The following SHANK2 variants were observed in gnomAD, a reference collection of about 807,000 sequenced individuals.
The protein encoded by SHANK2 is SH3 and multiple ankyrin repeat domains protein 2.
SHANK2 carries 43 observed loss-of-function variants against 133.7 expected under a neutral mutation model. The ratio of observed to expected loss-of-function variants is 0.32; its 90% CI spans 0.25 to 0.41. The LOEUF (loss-of-function observed/expected upper bound fraction) is 0.41, where lower values mean the gene tolerates loss of function less well. SHANK2 is among the 10% of genes least tolerant of loss of function. The probability of loss-of-function intolerance (pLI) is 1.00; values close to 1 mark genes in which losing one functional copy is unlikely to be tolerated. For synonymous variants in SHANK2, 1,017 were observed against 952.8 expected, an observed-to-expected ratio of 1.07 and a Z score of -1.24; for missense variants, 1,994 against 2,235.8, an observed-to-expected ratio of 0.89 and a Z score of 2.18.
At chr11:70,499,977 C>G (rs145724365) in intron 21 of SHANK2, among the ~76,000 whole-genome samples, 4,302 of 152,254 alleles carry the variant, frequency 0.028, 96 homozygotes, top group South Asian at 0.082. Context: ...AGCAATACCC[C>G]CCGATGTGCT....
chr11:70,743,253 C>G lies in SHANK2; in HGVS notation c.1778-44490G>C, dbSNP rs557607264. The stretch of plus-strand genomic sequence containing the variant: ...CTCGAGCTGCACGTCTGCGTGCCCC[C>G]CCCAGTTCATATATTGGGGCCGAAA... On this transcript the variant is annotated intron_variant, in intron 14 of 25. Coordinates refer to ENST00000601538, the MANE Select transcript of SHANK2 (RefSeq NM_012309.5). Among the ~76,000 whole-genome samples, 7 of 152,234 alleles carry G rather than the reference C, an allele frequency of 4.6e-5. No homozygotes were observed. In the East Asian group the frequency reaches 9.6e-4, roughly 21 times the overall value.
At chr11:70,885,202 C>CGCGCGGGGAACT (rs1434534554) in intron 11 of SHANK2, among the ~76,000 whole-genome samples, 1 of 152,080 alleles carries the variant, frequency 6.6e-6, no homozygotes, top group Non-Finnish European at 1.5e-5. Context: ...AGAGGGGAAC[C>CGCGCGGGGAACT]GCGCAGGGAC....
intron 17 of SHANK2, among the ~76,000 whole-genome samples, chr11:70,636,877 C>T (rs1051739931): frequency 6.6e-6 from 1 of 151,934 alleles, no homozygotes; most frequent in Non-Finnish European, 1.5e-5. Context: ...CATGTGTGTG[C>T]ACATGGTAGC....
intron 10 of SHANK2, among the ~76,000 whole-genome samples, chr11:70,955,437 G>A (rs1183566752): frequency 6.6e-6 from 1 of 151,732 alleles, no homozygotes; most frequent in Non-Finnish European, 1.5e-5. Flanking sequence ...GTGTGTGTGT[G>A]TGTGTGTGTG....
intron 1 of SHANK2, among the ~76,000 whole-genome samples, chr11:71,241,224 G>A (rs1954886061): frequency 1.3e-5 from 2 of 152,204 alleles, no homozygotes; most frequent in Non-Finnish European, 2.9e-5. Context: ...GAAAGAACAA[G>A]ATCCTGAAAA....
Position 70,646,963 on chromosome 11 carries a change from C to T in SHANK2, c.2061+12865G>A, listed in dbSNP as rs940937734. On this transcript the variant is annotated intron_variant, in intron 17 of 25. Transcript: ENST00000601538. Reference sequence around the variant, plus strand: ...GCAACCTCTGCTTCCTGGGTTCAAGCGGTTCTCCCTGCCTCAGCCTCCCGA... The same window carrying T: ...GCAACCTCTGCTTCCTGGGTTCAAGTGGTTCTCCCTGCCTCAGCCTCCCGA... Among the ~76,000 whole-genome samples, 4 of 151,988 alleles carry T rather than the reference C, an allele frequency of 2.6e-5. No homozygotes were observed. The South Asian group carries it at 6.3e-4, about 24-fold the overall frequency.
chr11:71,190,197 G>A (rs1953764234), intron 2 of SHANK2, among the ~76,000 whole-genome samples: 1 of 152,228 alleles, frequency 6.6e-6, no homozygotes, highest in Admixed American at 6.5e-5. Flanking sequence ...TTCAGTCCTC[G>A]CTCTTATCCA....
At chr11:71,170,996 A>C (rs1953302415) in intron 2 of SHANK2, among the ~76,000 whole-genome samples, 1 of 152,232 alleles carries the variant, frequency 6.6e-6, no homozygotes, top group Non-Finnish European at 1.5e-5. Flanking sequence ...TGGGCGTCCA[A>C]GATCAAGGTG....
rs954736766 is a variant in SHANK2, at chr11:71,089,997, C to T, written c.912+2425G>A. Among the ~76,000 whole-genome samples the T allele has an allele frequency of 9.2e-5, 14 of 152,278 alleles. No individual in the cohort carries two copies. The East Asian group carries it at 2.5e-3, about 27-fold the overall frequency. On this transcript the variant is annotated intron_variant, in intron 8 of 25. Transcript: ENST00000601538. ...AGACTGAGGAGGGGAAGCAGCTCCC[C>T]CAACCCAAAAACCTCCGAGTGCTGT...
chr11:71,064,928 TG>T (rs1364779725), intron 9 of SHANK2, among the ~76,000 whole-genome samples: 1 of 152,050 alleles, frequency 6.6e-6, no homozygotes, highest in Non-Finnish European at 1.5e-5. Flanking sequence ...AGACTCCGAC[TG>T]GGGACTCTTG....
chr11:70,948,352 C>T (rs1057174236), intron 10 of SHANK2: 49 of 457,166 alleles, frequency 1.1e-4, no homozygotes, highest in Non-Finnish European at 1.7e-4. Context: ...GATGTGTCCC[C>T]AGCACCTAGA....
intron 7 of SHANK2, among the ~76,000 whole-genome samples, chr11:71,092,869 T>C (rs1394419240): frequency 1.3e-5 from 2 of 152,084 alleles, no homozygotes; most frequent in African/African-American, 4.8e-5. Flanking sequence ...GGCAAAACCC[T>C]GTCTCTATGA....
At chr11:70,492,593 T>A (rs1565535189) in intron 21 of SHANK2, 128 bp from the exon 22 acceptor site, 7 of 1,215,018 alleles carry the variant, frequency 5.8e-6, no homozygotes, top group Middle Eastern at 1.9e-4. Context: ...GTTGCTGCTG[T>A]GAGGAGCATG....
chr11:70,471,028 T>G lies in SHANK2; in HGVS notation c.*1841A>C, dbSNP rs1012808551. ...AGGTTGATTTAAAAAGGTCATACTT[T>G]TATAATTATTCCACAGAAATAGTAT... is the stretch of plus-strand genomic sequence containing the variant. On this transcript the variant is annotated 3_prime_UTR_variant, in exon 26 of 26. Transcript: ENST00000601538. This position sits in a 1 kb window ranked among gnomAD's most constrained non-coding sequence, Gnocchi z 4.1. 22 of 349,412 alleles carry G rather than the reference T, an allele frequency of 6.3e-5. No individual in the cohort carries two copies. Among genetic ancestry groups the G allele is most frequent in the Admixed American group, 1.4e-4 (3 of 21,100 alleles). 21.6% of individuals were successfully genotyped at this position (349,412 alleles called of 1,614,324 possible). A position where few individuals can be genotyped will look rare whatever the true frequency, so the allele number is the denominator to read the frequency against.
intron 17 of SHANK2, among the ~76,000 whole-genome samples, chr11:70,596,324 A>G (rs1321088540): frequency 1.3e-5 from 2 of 151,076 alleles, no homozygotes; most frequent in East Asian, 3.9e-4. Context: ...CTGGGAACCA[A>G]GAGGGGAGGG....
chr11:70,756,890 C>T (rs1441162413), intron 14 of SHANK2, among the ~76,000 whole-genome samples: 3 of 150,202 alleles, frequency 2.0e-5, no homozygotes, highest in Non-Finnish European at 4.4e-5. Context: ...CAAAAGAGAA[C>T]GGATACATAG....
chr11:70,750,913 T>G (rs1361499895), intron 14 of SHANK2, among the ~76,000 whole-genome samples: 1 of 152,152 alleles, frequency 6.6e-6, no homozygotes, highest in Non-Finnish European at 1.5e-5. Flanking sequence ...TGTCAACCTA[T>G]TCCATCGGGT....
At chr11:71,192,786 C>G (rs114514935) in intron 2 of SHANK2, among the ~76,000 whole-genome samples, 193 of 152,324 alleles carry the variant, frequency 1.3e-3, no homozygotes, top group African/African-American at 4.5e-3. Flanking sequence ...GAGAGCTTAT[C>G]AAGCTATCAG....
intron 25 of SHANK2, chr11:70,474,463 A>G (rs920591725): frequency 6.6e-6 from 1 of 152,258 alleles, no homozygotes; most frequent in South Asian, 2.1e-4. Context: ...AGGAGGTCCC[A>G]TCTCAGTGCC....
Sources: allele counts gnomAD v4.1 joint callset (sites outside exome capture counted in the v4.1 genomes callset), GRCh38; gene constraint gnomAD v4.1.1; non-coding constraint Gnocchi (gnomAD v3.1); transcripts MANE v1.5; gene names NCBI Gene and HGNC (gene_info 2026-07-23, HGNC 2026-07-21).